PLCD3: variants seen among roughly 807,000 people sequenced by gnomAD.
PLCD3 encodes 1-phosphatidylinositol 4,5-bisphosphate phosphodiesterase delta-3.
PLCD3 carries 62 observed loss-of-function variants against 82.8 expected under a neutral mutation model. The ratio of observed to expected loss-of-function variants is 0.75; its 90% CI spans 0.61 to 0.93. PLCD3 has a LOEUF of 0.93. Among genes scored for constraint, PLCD3 ranks in the 40% least tolerant of loss-of-function variants. The pLI, the probability that PLCD3 is intolerant of heterozygous loss-of-function variation, is 0.00. For missense variants in PLCD3, 1,023 were observed against 1,103.4 expected (o/e 0.93, Z 1.03); for synonymous variants, 478 against 471.8 (o/e 1.01, Z -0.17).
At position 45,118,462 on chromosome 17, in the gene PLCD3, C is replaced by T. The variant is rs369756937; in HGVS notation, c.944G>A (p.Gly315Asp). Residue 315 changes from glycine to aspartate, a missense_variant, in exon 6 of 15, where the codon GGC (glycine) becomes GAC (aspartate). Gly to Asp is a moderately conservative substitution (Grantham distance 94). Around this residue, in one of 3 missense-constraint regions of PLCD3, gnomAD observed 553 missense variants for 655.7 expected, o/e 0.84. Coordinates refer to ENST00000619929, the MANE Select transcript of PLCD3 (RefSeq NM_133373.5). The surrounding 1 kb of genome is among the most constrained non-coding windows in gnomAD (Gnocchi z 4.1). ...AKQHELMTLD[G>D]FMMYLLSPEG... ...CGGCGACAACAGGTACATCATGAAG[C>T]CATCCAGTGTCATCAGCTCATGCTG... is the stretch of plus-strand genomic sequence containing the variant. 8 of 1,613,892 alleles carry T rather than the reference C, an allele frequency of 5.0e-6. No homozygotes were observed. The African/African-American group carries it at 9.3e-5, about 19-fold the overall frequency.
In PLCD3 at chr17:45,120,433, G is replaced by C; in HGVS notation, c.576C>G (p.His192Gln). 1 of 1,613,990 alleles carries C rather than the reference G, an allele frequency of 6.2e-7. No homozygotes were observed. The highest frequency in any genetic ancestry group is 8.5e-7 in the Non-Finnish European group (1 of 1,179,860). The change falls in exon 4 of 15, where the codon CAC (histidine) becomes CAG (glutamine). Residue 192 changes from histidine to glutamine, a missense_variant. Coordinates refer to ENST00000619929, the MANE Select transcript of PLCD3 (RefSeq NM_133373.5). ...RLDHWIHSYL[H>Q]RADSNQDSKM... ...TGCTGTCCTGGTTGGAGTCAGCCCG[G>C]TGCAGATAGGAGTGGATCCAGGTGT...
In PLCD3 at chr17:45,112,722, A is replaced by G. The variant is rs771001917; in HGVS notation, c.2282-18T>C. 3.8e-6 allele frequency: 6 copies of G among 1,598,262 alleles called. No homozygotes were observed. The South Asian group carries it at 6.8e-5, about 18-fold the overall frequency. On this transcript the variant is annotated intron_variant, in intron 14 of 14. Coordinates refer to ENST00000619929, the MANE Select transcript of PLCD3 (RefSeq NM_133373.5). ...GCGGTACCCTGTAGGGAGGACAGCC[A>G]GGCCTCAGGTCCTCTGTGCACCCTG...
intron 1 of PLCD3, among the ~76,000 whole-genome samples, chr17:45,130,484 G>A (rs559320145): frequency 1.4e-4 from 21 of 152,216 alleles, no homozygotes; most frequent in Admixed American, 1.0e-3. Flanking sequence ...GCCCTTCCGC[G>A]GCACCCGTGA....
In PLCD3 at chr17:45,113,276, G is replaced by A; in HGVS notation, c.1996-19C>T. 2 of 1,592,496 alleles carry A rather than the reference G, an allele frequency of 1.3e-6. No homozygotes were observed. Among genetic ancestry groups the A allele is most frequent in the Non-Finnish European group, 8.5e-7 (1 of 1,170,676 alleles). On this transcript the variant is annotated intron_variant, in intron 12 of 14. Coordinates refer to ENST00000619929, the MANE Select transcript of PLCD3 (RefSeq NM_133373.5). ...TCAGCACCTGTGGGTGAGGGAGGGAGTGGCTGGGGCCCACGCCCACCTTGG... is the reference window on the plus strand; with the variant it reads ...TCAGCACCTGTGGGTGAGGGAGGGAATGGCTGGGGCCCACGCCCACCTTGG...
At position 45,110,779 on chromosome 17, in the gene PLCD3, C is replaced by T. The variant is rs1028436389; in HGVS notation, c.*1837G>A. On this transcript the variant is annotated 3_prime_UTR_variant, in exon 15 of 15. Coordinates refer to ENST00000619929, the MANE Select transcript of PLCD3 (RefSeq NM_133373.5). ...GATGCCCGGGCTGCCTGGCCCGGCC[C>T]GCCTGGCTCGGCCCATTCCTTCTGG... 19 of 152,236 alleles carry T rather than the reference C, an allele frequency of 1.2e-4. No homozygotes were observed. The highest frequency in any genetic ancestry group is 3.6e-4 in the African/African-American group (15 of 41,460). The allele number at this position is 152,236 out of a possible 1,614,324, so 9.4% of individuals were successfully genotyped here.
chr17:45,128,989 CT>C (rs2054401381), intron 1 of PLCD3, among the ~76,000 whole-genome samples: 1 of 152,226 alleles, frequency 6.6e-6, no homozygotes, highest in Non-Finnish European at 1.5e-5. Context: ...CAAATTTTCT[CT>C]CAGCTACTTC....
chr17:45,115,660 G>C (rs548045481), intron 8 of PLCD3, 170 bp from the exon 9 acceptor site: 1 of 625,380 alleles, frequency 1.6e-6, no homozygotes, highest in African/African-American at 1.8e-5. Context: ...AGAATGGCCC[G>C]GGAGGCCATC....
chr17:45,126,974 A>G (rs1052293729), intron 1 of PLCD3, among the ~76,000 whole-genome samples: 3 of 152,222 alleles, frequency 2.0e-5, no homozygotes, highest in Non-Finnish European at 2.9e-5. Flanking sequence ...ATGTGAATGA[A>G]TATCTCAAAA....
chr17:45,126,328 G>A (rs964246431), intron 1 of PLCD3, among the ~76,000 whole-genome samples: 5 of 142,378 alleles, frequency 3.5e-5, no homozygotes, highest in African/African-American at 1.1e-4. Flanking sequence ...TTACAGGCAT[G>A]AGCCACTGCG....
At chr17:45,130,304 A>G (rs1477856743) in intron 1 of PLCD3, among the ~76,000 whole-genome samples, 1 of 152,014 alleles carries the variant, frequency 6.6e-6, no homozygotes, top group Non-Finnish European at 1.5e-5. Context: ...GCTCAGCTGT[A>G]ATTATTTGTC....
chr17:45,130,875 G>C (rs926887016), intron 1 of PLCD3, among the ~76,000 whole-genome samples: 2 of 151,888 alleles, frequency 1.3e-5, no homozygotes, highest in Non-Finnish European at 2.9e-5. Context: ...CTCAGCTGGG[G>C]CCAGCCAGGG....
At chr17:45,113,053 G>A (rs767929939) in intron 13 of PLCD3, 41 bp from the exon 14 acceptor site, 5 of 1,604,064 alleles carry the variant, frequency 3.1e-6, no homozygotes, top group Non-Finnish European at 4.3e-6. Flanking sequence ...GGGGCCCCAG[G>A]ACCCACCCTG....
intron 1 of PLCD3, among the ~76,000 whole-genome samples, chr17:45,125,639 G>A (rs1333013121): frequency 6.6e-6 from 1 of 152,222 alleles, no homozygotes; most frequent in Non-Finnish European, 1.5e-5. Context: ...ATATGAGACA[G>A]ATGAGTGCAT....
rs2054226438 is a variant in PLCD3 at position 45,109,606 on chromosome 17, C to G, written c.*3010G>C. On this transcript the variant is annotated 3_prime_UTR_variant, in exon 15 of 15. Coordinates refer to ENST00000619929, the MANE Select transcript of PLCD3 (RefSeq NM_133373.5). The stretch of plus-strand genomic sequence containing the variant: ...ATGACTGGTGCCTCCAAGCCCCTTT[C>G]CAGGGAAACTGAGAGGACACAGGAC... 1 of 152,366 alleles carries G rather than the reference C, an allele frequency of 6.6e-6. No individual in the cohort carries two copies. Among genetic ancestry groups the G allele is most frequent in the Non-Finnish European group, 1.5e-5 (1 of 68,144 alleles). 9.4% of individuals were successfully genotyped at this position (152,366 alleles called of 1,614,324 possible).
chr17:45,112,801 G>T, intron 14 of PLCD3, 62 bp downstream of exon 14: 2 of 1,601,572 alleles, frequency 1.2e-6, no homozygotes, highest in Non-Finnish European at 1.7e-6. Flanking sequence ...AGGCACAAAG[G>T]TGAACAGGGT....
At chr17:45,129,612 G>A (rs561461269) in intron 1 of PLCD3, among the ~76,000 whole-genome samples, 1 of 152,362 alleles carries the variant, frequency 6.6e-6, no homozygotes, top group South Asian at 2.1e-4. Context: ...AATGTGACAT[G>A]AGGACAGCAC....
chr17:45,121,401 A>T (rs1460221190), intron 1 of PLCD3, 29 bp from the exon 2 acceptor site: 1 of 1,473,922 alleles, frequency 6.8e-7, no homozygotes, highest in East Asian at 2.6e-5. Context: ...CCGGGGCGTC[A>T]GGCCGTACCT....
chr17:45,131,799 G>A (rs1598041549), intron 1 of PLCD3, among the ~76,000 whole-genome samples: 1 of 152,204 alleles, frequency 6.6e-6, no homozygotes, highest in Non-Finnish European at 1.5e-5. Flanking sequence ...GTGGGGCCGC[G>A]GCTTGGAGGG....
At chr17:45,129,500 AG>A (rs1052124858) in intron 1 of PLCD3, among the ~76,000 whole-genome samples, 10 of 152,194 alleles carry the variant, frequency 6.6e-5, no homozygotes, top group African/African-American at 1.9e-4. Context: ...AACAACAAAA[AG>A]TATTCACTGG....
Sources: gnomAD v4.1 joint callset for allele counts (sites outside exome capture counted in the v4.1 genomes callset) on GRCh38, gnomAD v4.1.1 for gene constraint, gnomAD v4.1.1 regional missense constraint, Gnocchi (gnomAD v3.1) non-coding constraint, MANE v1.5 for transcripts, NCBI Gene and HGNC (gene_info 2026-07-23, HGNC 2026-07-21) for gene names.